Variants in KAZN observed in about 807,000 individuals in gnomAD.
The protein encoded by KAZN is kazrin, periplakin interacting protein.
A neutral mutation model predicts 87.4 loss-of-function variants in KAZN; 40 were observed. The ratio of observed to expected loss-of-function variants is 0.46; its 90% confidence interval spans 0.36 to 0.60. The LOEUF is 0.60. Ranked by LOEUF, KAZN falls within the 20% of genes least tolerant of loss-of-function variation. The pLI, the probability that KAZN is intolerant of heterozygous loss-of-function variation, is 0.00. For missense variants in KAZN, 898 were observed against 1,073.9 expected, an observed-to-expected ratio of 0.84 and a Z score of 2.29; for synonymous variants, 466 against 458.3, an observed-to-expected ratio of 1.02 and a Z score of -0.22.
chr1:14,831,751 G>A (rs930179792), intron 1 of KAZN, among the ~76,000 whole-genome samples: 8 of 152,100 alleles, frequency 5.3e-5, no homozygotes, highest in African/African-American at 1.4e-4. Context: ...AATGACAAGC[G>A]ACTGTGCTGA....
At position 14,830,799 on chromosome 1, in the gene KAZN, C is replaced by T. The variant is rs186523444; in HGVS notation, c.227-129885C>T. ...TCTAATCACCTTCCACCAGGACCCT[C>T]CCACAACACTGGGGATTACAGTTCA... On this transcript the variant is annotated intron_variant, in intron 1 of 14. Coordinates refer to ENST00000376030, the MANE Select transcript of KAZN (RefSeq NM_201628.3). Among the ~76,000 whole-genome samples the T allele has an allele frequency of 3.4e-3, 516 of 152,292 alleles. 1 individual carries two copies. The highest frequency in any genetic ancestry group is 0.012 in the African/African-American group (499 of 41,568).
At chr1:15,040,619 A>C (rs1263713138) in intron 3 of KAZN, among the ~76,000 whole-genome samples, 1 of 152,048 alleles carries the variant, frequency 6.6e-6, no homozygotes, top group African/African-American at 2.4e-5. Flanking sequence ...TACAAAAATT[A>C]TCTGGATGTG....
chr1:14,808,242 T>C (rs1424272709), intron 1 of KAZN, among the ~76,000 whole-genome samples: 1 of 151,932 alleles, frequency 6.6e-6, no homozygotes, highest in African/African-American at 2.4e-5. Flanking sequence ...AAGTTTCCTT[T>C]GTGCAACTCT....
intron 1 of KAZN, among the ~76,000 whole-genome samples, chr1:14,943,988 C>G (rs539980857): frequency 6.6e-6 from 1 of 152,150 alleles, no homozygotes; most frequent in East Asian, 1.9e-4. Context: ...GCAGGAGAAT[C>G]GCTTGAACCC....
rs1020517359 is a variant in KAZN at position 15,081,304 on chromosome 1, G to A, written c.1223-12876G>A. The stretch of plus-strand genomic sequence containing the variant: ...CGGTCACTGAAATTGGCCACAATAG[G>A]AGTATTTACACCACAGAAATTGGCA... On this transcript the variant is annotated intron_variant, in intron 8 of 14. Coordinates refer to ENST00000376030, the MANE Select transcript of KAZN (RefSeq NM_201628.3). This position sits in a 1 kb window ranked among gnomAD's most constrained non-coding sequence, Gnocchi z 4.1. Among the ~76,000 whole-genome samples the A allele has an allele frequency of 6.6e-6, 1 of 152,206 alleles. No individual in the cohort carries two copies. Among genetic ancestry groups the A allele is most frequent in the Non-Finnish European group, 1.5e-5 (1 of 68,048 alleles).
intron 2 of KAZN, among the ~76,000 whole-genome samples, chr1:14,557,585 G>T (rs1038246501): frequency 6.6e-6 from 1 of 151,702 alleles, no homozygotes; most frequent in East Asian, 1.9e-4. Context: ...AATTTGGCCT[G>T]TGTTAGGGTT....
chr1:14,557,619 GGTGTGTGTGGGTGT>G (rs1416106623), intron 2 of KAZN, among the ~76,000 whole-genome samples: 3 of 94,042 alleles, frequency 3.2e-5, no homozygotes, highest in African/African-American at 1.1e-4. Flanking sequence ...AAACCAATAG[GGTGTGTGTGGGTGT>G]GTGTGTGTGT....
At chr1:14,483,816 A>G (rs1669205935) in intron 2 of KAZN, among the ~76,000 whole-genome samples, 1 of 152,168 alleles carries the variant, frequency 6.6e-6, no homozygotes, top group African/African-American at 2.4e-5. Flanking sequence ...TTTTGGGGTC[A>G]TAGATCAAAA....
intron 2 of KAZN, among the ~76,000 whole-genome samples, chr1:15,025,930 G>A (rs1210756352): frequency 6.6e-6 from 1 of 152,124 alleles, no homozygotes; most frequent in Non-Finnish European, 1.5e-5. Flanking sequence ...CAAGACCTGA[G>A]CACCACCTGA....
intron 2 of KAZN, among the ~76,000 whole-genome samples, chr1:14,516,322 G>A (rs1424246615): frequency 1.3e-5 from 2 of 152,198 alleles, no homozygotes; most frequent in Non-Finnish European, 2.9e-5. Context: ...GTGGTAAGAT[G>A]ATCAACAGCA....
chr1:15,016,411 G>C (rs954422383), intron 2 of KAZN, among the ~76,000 whole-genome samples: 3 of 152,060 alleles, frequency 2.0e-5, no homozygotes, highest in Admixed American at 6.5e-5. Context: ...TCAGCCTCCC[G>C]AGTAGCTGGG....
intron 1 of KAZN, among the ~76,000 whole-genome samples, chr1:14,138,082 AGTGTGT>A (rs149980453): frequency 2.7e-4 from 41 of 150,080 alleles, no homozygotes; most frequent in African/African-American, 1.0e-3. Context: ...TAAATGTTAC[AGTGTGT>A]GTGTGTGTGT....
At chr1:14,692,059 AT>A (rs1242182017) in intron 1 of KAZN, 5 of 251,624 alleles carry the variant, frequency 2.0e-5, no homozygotes, top group African/African-American at 9.2e-5. Context: ...AAAAAAAAAA[AT>A]AAAATAATGA....
intron 2 of KAZN, among the ~76,000 whole-genome samples, chr1:14,994,003 G>A (rs947022048): frequency 1.3e-5 from 2 of 152,172 alleles, no homozygotes; most frequent in African/African-American, 2.4e-5. Context: ...CAGGTGCGAC[G>A]TAGAGCTCTT....
At chr1:14,990,554 T>G (rs1255805236) in intron 2 of KAZN, among the ~76,000 whole-genome samples, 1 of 152,118 alleles carries the variant, frequency 6.6e-6, no homozygotes, top group Admixed American at 6.6e-5. Flanking sequence ...AAAGTTTTAT[T>G]GGAACACAGC....
At position 14,319,010 on chromosome 1, in the gene KAZN, T is replaced by TTTTA. The variant is rs199695925; in HGVS notation, c.249+138470_249+138473dup. Among the ~76,000 whole-genome samples the TTTTA allele has an allele frequency of 3.5e-3, 480 of 136,580 alleles. 5 individuals carry two copies. Among genetic ancestry groups the TTTTA allele is most frequent in the South Asian group, 5.6e-3 (24 of 4,282 alleles). The allele number at this position is 136,580 out of a possible 152,430, so 89.6% of individuals were successfully genotyped here. ...GGGCCTGTTTCTGTTGACCTTTTAT[T>TTTTA]TTTATTTATTTATTTATTTATTTAT... On this transcript the variant is annotated intron_variant, in intron 2 of 16. Coordinates refer to the KAZN transcript ENST00000636203.
At chr1:14,270,008 T>C (rs1651792303) in intron 2 of KAZN, among the ~76,000 whole-genome samples, 1 of 152,142 alleles carries the variant, frequency 6.6e-6, no homozygotes, top group African/African-American at 2.4e-5. Flanking sequence ...GGATGCATAG[T>C]GCCTGCACCT....
chr1:13,953,060 C>G (rs149609457), intron 1 of KAZN, among the ~76,000 whole-genome samples: 1 of 152,254 alleles, frequency 6.6e-6, no homozygotes, highest in Non-Finnish European at 1.5e-5. Context: ...TAGAGGTATT[C>G]AAGTAGAAGC....
chr1:14,346,029 G>C (rs889494828), intron 2 of KAZN, among the ~76,000 whole-genome samples: 2 of 152,170 alleles, frequency 1.3e-5, no homozygotes, highest in Non-Finnish European at 2.9e-5. Flanking sequence ...TGAACTTGCA[G>C]AAAGTACATG....
Sources: gnomAD v4.1 joint callset for allele counts (sites outside exome capture counted in the v4.1 genomes callset) on GRCh38, gnomAD v4.1.1 for gene constraint, Gnocchi (gnomAD v3.1) non-coding constraint, MANE v1.5 for transcripts, NCBI Gene and HGNC (gene_info 2026-07-23, HGNC 2026-07-21) for gene names.